Variants in ADGRV1 observed in about 807,000 individuals in gnomAD.
ADGRV1 encodes the protein adhesion G protein-coupled receptor V1.
A neutral mutation model predicts 596.2 loss-of-function variants in ADGRV1; 359 were observed. That is an observed-to-expected ratio of 0.60 (90% CI 0.55 to 0.66). ADGRV1 has a LOEUF of 0.66. Among genes scored for constraint, ADGRV1 ranks in the 30% least tolerant of loss-of-function variants. The probability of loss-of-function intolerance (pLI) is 0.00; values close to 1 mark genes in which losing one functional copy is unlikely to be tolerated. For synonymous variants in ADGRV1, 2,681 were observed against 2,679.2 expected, an observed-to-expected ratio of 1.00 and a Z score of -0.02; for missense variants, 7,274 against 7,575.6, an observed-to-expected ratio of 0.96 and a Z score of 1.48.
At chr5:91,035,861 T>TATATATAATA in intron 85 of ADGRV1, among the ~76,000 whole-genome samples, 10 of 96,400 alleles carry the variant, frequency 1.0e-4, no homozygotes, top group African/African-American at 3.4e-4. Flanking sequence ...TATATATATA[T>TATATATAATA]TATATATATA....
At chr5:91,089,819 C>T (rs1259264752) in intron 86 of ADGRV1, among the ~76,000 whole-genome samples, 1 of 152,112 alleles carries the variant, frequency 6.6e-6, no homozygotes, top group Non-Finnish European at 1.5e-5. Context: ...ATTCAAAATA[C>T]AGACATAGGC....
chr5:90,975,615 A>G (rs1779494542), intron 84 of ADGRV1, among the ~76,000 whole-genome samples: 1 of 152,182 alleles, frequency 6.6e-6, no homozygotes, highest in South Asian at 2.1e-4. Flanking sequence ...GAAAAACCAA[A>G]CACCGCATGT....
chr5:90,976,296 A>G (rs368793409), intron 84 of ADGRV1, among the ~76,000 whole-genome samples: 94 of 58,332 alleles, frequency 1.6e-3, no homozygotes, highest in South Asian at 0.011. Context: ...ATGTGTGTGT[A>G]TATGTGTGTG....
rs1745311514 is a variant in ADGRV1, at chr5:90,684,179, A to T, written c.6258A>T (p.Lys2086Asn). 6.2e-7 allele frequency: 1 copy of T among 1,610,486 alleles called. No individual in the cohort carries two copies. Among genetic ancestry groups the T allele is most frequent in the South Asian group, 1.1e-5 (1 of 90,802 alleles). ...IELLNSTLVA[K>N]VQSRSIPNSP... Reference sequence around the variant, plus strand: ...TACTCAACTCTACTTTAGTAGCGAAAGTACAGAGTCGTTCAAGTAAGTATC... The same window carrying T: ...TACTCAACTCTACTTTAGTAGCGAATGTACAGAGTCGTTCAAGTAAGTATC... Residue 2086 changes from lysine to asparagine, a missense_variant, in exon 28 of 90, where the codon AAA (lysine) becomes AAT (asparagine). This residue lies in a region of ADGRV1 where 3,643 missense variants were observed against 3,809.2 expected (regional missense o/e 0.96). Transcript: ENST00000405460.
chr5:90,671,079 A>C (rs74938671), intron 21 of ADGRV1, among the ~76,000 whole-genome samples: 10,036 of 152,258 alleles, frequency 0.066, 393 homozygotes, highest in South Asian at 0.13. Context: ...GGCCTGTTGA[A>C]GACCCAGGCA....
intron 1 of ADGRV1, chr5:90,614,356 C>A: frequency 3.9e-6 from 1 of 259,736 alleles, no homozygotes; most frequent in Non-Finnish European, 7.7e-6. Flanking sequence ...AAAAAATTCT[C>A]AAAGAAGACA....
intron 17 of ADGRV1, among the ~76,000 whole-genome samples, chr5:90,650,092 G>T (rs1288298563): frequency 1.3e-5 from 2 of 152,138 alleles, no homozygotes; most frequent in Non-Finnish European, 2.9e-5. Context: ...CCTTTTCGAT[G>T]TCAAAACATC....
At chr5:90,729,001 T>C in intron 49 of ADGRV1, 68 bp downstream of exon 49, 1 of 1,103,228 alleles carries the variant, frequency 9.1e-7, no homozygotes, top group Non-Finnish European at 1.3e-6. Flanking sequence ...TATGGTATAT[T>C]TTATATGAAA....
At chr5:90,654,658 A>G (rs965068538) in intron 20 of ADGRV1, 1 of 152,512 alleles carries the variant, frequency 6.6e-6, no homozygotes, top group African/African-American at 2.4e-5. Context: ...TTCGTGAAAG[A>G]TAGAGTAGAG....
intron 45 of ADGRV1, among the ~76,000 whole-genome samples, chr5:90,723,486 A>C (rs1004415170): frequency 4.6e-5 from 7 of 152,236 alleles, no homozygotes; most frequent in Admixed American, 3.9e-4. Context: ...AGTACTCATG[A>C]GAGCACATGT....
chr5:90,656,719 G>T (rs186590449), intron 20 of ADGRV1, among the ~76,000 whole-genome samples: 1 of 152,146 alleles, frequency 6.6e-6, no homozygotes, highest in Non-Finnish European at 1.5e-5. Flanking sequence ...CTCCACTGAG[G>T]TTATTGACAA....
chr5:91,016,095 G>T (rs896021933), intron 85 of ADGRV1, among the ~76,000 whole-genome samples: 10 of 151,896 alleles, frequency 6.6e-5, no homozygotes, highest in Admixed American at 2.0e-4. Context: ...ATTTGAAAAA[G>T]ATCTTATTTC....
chr5:90,881,495 GT>G (rs915746594), intron 83 of ADGRV1, among the ~76,000 whole-genome samples: 4 of 151,500 alleles, frequency 2.6e-5, no homozygotes, highest in Admixed American at 6.6e-5. Flanking sequence ...GTCTTAGAAA[GT>G]TTTTTTTTAA....
At chr5:90,713,053 T>C (rs1749589070) in intron 42 of ADGRV1, among the ~76,000 whole-genome samples, 1 of 152,088 alleles carries the variant, frequency 6.6e-6, no homozygotes, top group Non-Finnish European at 1.5e-5. Context: ...TTGGAAGGGC[T>C]CTTAAAAAGT....
chr5:90,559,942 AATG>A (rs1473186565), intron 1 of ADGRV1, among the ~76,000 whole-genome samples: 1 of 152,194 alleles, frequency 6.6e-6, no homozygotes, highest in East Asian at 1.9e-4. Flanking sequence ...GCAGGATACA[AATG>A]AGCACCAATA....
intron 1 of ADGRV1, among the ~76,000 whole-genome samples, chr5:90,600,428 G>A (rs1290885626): frequency 6.6e-6 from 1 of 152,132 alleles, no homozygotes; most frequent in Non-Finnish European, 1.5e-5. Flanking sequence ...CCTTGTGATA[G>A]TTTGCTGGGA....
intron 72 of ADGRV1, among the ~76,000 whole-genome samples, chr5:90,805,958 A>G (rs1761864635): frequency 6.6e-6 from 1 of 152,108 alleles, no homozygotes; most frequent in Non-Finnish European, 1.5e-5. Flanking sequence ...AATTTAGATA[A>G]TGAGAGTTTA....
At chr5:90,722,403 C>G (rs1246474228) in intron 45 of ADGRV1, among the ~76,000 whole-genome samples, 2 of 152,014 alleles carry the variant, frequency 1.3e-5, no homozygotes, top group East Asian at 1.9e-4. Flanking sequence ...ATAAATTTCT[C>G]TAGACTCAAA....
intron 68 of ADGRV1, among the ~76,000 whole-genome samples, chr5:90,788,785 T>C (rs1456812027): frequency 6.6e-6 from 1 of 151,756 alleles, no homozygotes; most frequent in Non-Finnish European, 1.5e-5. Context: ...GTTTGTAAAA[T>C]ACTCTTATTT....
Sources: allele counts gnomAD v4.1 joint callset (sites outside exome capture counted in the v4.1 genomes callset), GRCh38; gene constraint gnomAD v4.1.1; regional missense constraint gnomAD v4.1.1; transcripts MANE v1.5; gene names NCBI Gene and HGNC (gene_info 2026-07-23, HGNC 2026-07-21).